VGLL4: variants seen among roughly 807,000 people sequenced by gnomAD.
The protein encoded by VGLL4 is vestigial like family member 4, also known as transcription cofactor vestigial-like protein 4.
VGLL4 carries 7 observed loss-of-function variants against 21.0 expected under a neutral mutation model. The ratio of observed to expected loss-of-function variants is 0.33; its 90% CI spans 0.19 to 0.63. The LOEUF is 0.63. Ranked by LOEUF, VGLL4 falls within the 20% of genes least tolerant of loss-of-function variation. VGLL4 has a pLI of 0.78. For missense variants in VGLL4, 394 were observed against 425.7 expected (o/e 0.93, Z 0.66); for synonymous variants, 222 against 173.2 (o/e 1.28, Z -2.21).
At position 11,576,811 on chromosome 3, in the gene VGLL4, C is replaced by T. The variant is rs533513623; in HGVS notation, c.273-11792G>A. Among the ~76,000 whole-genome samples, 8 of 152,312 alleles carry T rather than the reference C, an allele frequency of 5.3e-5. No individual in the cohort carries two copies. In the South Asian group the frequency reaches 8.3e-4, roughly 16 times the overall value. On this transcript the variant is annotated intron_variant, in intron 2 of 4. Transcript: ENST00000430365. ...GGCAGGACCCACTGCCTCCGATGCCCGCCTCAGGAAGGCAGAGGGTGGAGA... is the reference window on the plus strand; with the variant it reads ...GGCAGGACCCACTGCCTCCGATGCCTGCCTCAGGAAGGCAGAGGGTGGAGA...
chr3:11,688,649 T>A (rs982793904), intron 2 of VGLL4, among the ~76,000 whole-genome samples: 2 of 152,220 alleles, frequency 1.3e-5, no homozygotes, highest in Non-Finnish European at 2.9e-5. Context: ...AATTTATTGA[T>A]CTATTTTAGA....
intron 2 of VGLL4, among the ~76,000 whole-genome samples, chr3:11,677,837 G>A (rs1257503846): frequency 2.7e-5 from 4 of 149,726 alleles, no homozygotes; most frequent in African/African-American, 7.4e-5. Context: ...CCCGGGAGGC[G>A]GAGGTTGCAG....
chr3:11,679,567 C>G (rs1289200120), intron 2 of VGLL4, among the ~76,000 whole-genome samples: 5 of 152,068 alleles, frequency 3.3e-5, no homozygotes. Flanking sequence ...CCTGTAATCC[C>G]TGCTACTCGG....
At chr3:11,599,285 A>AT (rs895276080) in intron 2 of VGLL4, among the ~76,000 whole-genome samples, 1 of 151,662 alleles carries the variant, frequency 6.6e-6, no homozygotes, top group Non-Finnish European at 1.5e-5. Context: ...TAATATATAT[A>AT]TTTTTTACCA....
chr3:11,623,836 G>A (rs1379152826), intron 1 of VGLL4, among the ~76,000 whole-genome samples: 1 of 151,598 alleles, frequency 6.6e-6, no homozygotes, highest in Non-Finnish European at 1.5e-5. Context: ...AACCTCCCAG[G>A]CTCAAGTGAT....
intron 2 of VGLL4, chr3:11,569,063 A>G (rs2073667660): frequency 4.3e-6 from 2 of 470,544 alleles, no homozygotes; most frequent in Non-Finnish European, 5.7e-6. Context: ...AAGAATGTCC[A>G]TAACATCTGG....
chr3:11,676,408 A>AT (rs1191241505), intron 2 of VGLL4, among the ~76,000 whole-genome samples: 1,906 of 34,420 alleles, frequency 0.055, 46 homozygotes, highest in African/African-American at 0.11. Flanking sequence ...AAAAAAAAAA[A>AT]AATAAAATAA....
At chr3:11,614,759 T>C (rs774146902) in intron 1 of VGLL4, among the ~76,000 whole-genome samples, 4 of 152,156 alleles carry the variant, frequency 2.6e-5, no homozygotes, top group Non-Finnish European at 4.4e-5. Context: ...GAAGCAGCAT[T>C]AGGGACTTGG....
chr3:11,570,238 C>G (rs1272410719), intron 2 of VGLL4, among the ~76,000 whole-genome samples: 1 of 152,110 alleles, frequency 6.6e-6, no homozygotes, highest in East Asian at 1.9e-4. Context: ...ACCAGGCCCA[C>G]CAAGAGACTC....
At chr3:11,610,268 A>G (rs1463006612) in intron 1 of VGLL4, 1 of 152,204 alleles carries the variant, frequency 6.6e-6, no homozygotes, top group African/African-American at 2.4e-5. Context: ...TCTTTCAAAT[A>G]ATACTTCTTT....
intron 1 of VGLL4, among the ~76,000 whole-genome samples, chr3:11,638,406 C>A (rs1201589870): frequency 6.6e-6 from 1 of 152,032 alleles, no homozygotes; most frequent in Non-Finnish European, 1.5e-5. Context: ...AGGGTATAAT[C>A]ACACCTTCCT....
intron 2 of VGLL4, among the ~76,000 whole-genome samples, chr3:11,593,810 A>G (rs2074565036): frequency 6.6e-6 from 1 of 152,194 alleles, no homozygotes. Flanking sequence ...ACCGTGTTTC[A>G]AAGGCCCCCC....
chr3:11,678,476 C>T (rs1161497736), intron 2 of VGLL4, among the ~76,000 whole-genome samples: 1 of 152,256 alleles, frequency 6.6e-6, no homozygotes, highest in Non-Finnish European at 1.5e-5. Flanking sequence ...AATGACCTTT[C>T]TGCAGGAACG....
intron 1 of VGLL4, among the ~76,000 whole-genome samples, chr3:11,639,998 T>C (rs1002922938): frequency 6.6e-6 from 1 of 152,206 alleles, no homozygotes; most frequent in African/African-American, 2.4e-5. Flanking sequence ...ATCAACTCTC[T>C]GAAAAACAGA....
At chr3:11,703,754 C>T (rs956997488) in intron 1 of VGLL4, among the ~76,000 whole-genome samples, 4 of 152,202 alleles carry the variant, frequency 2.6e-5, no homozygotes, top group African/African-American at 9.7e-5. Flanking sequence ...TATTTAAACA[C>T]ACACACAGTT....
chr3:11,654,768 G>T lies in VGLL4; in HGVS notation c.64+48203C>A, dbSNP rs533462656. ...GGCATTCAACAGTTAACATGTCCTG[G>T]ATTAATTACTGGCCTGAAACCCCAG... On this transcript the variant is annotated intron_variant, in intron 2 of 5. Coordinates refer to the VGLL4 transcript ENST00000273038. 1.2e-4 allele frequency among the ~76,000 whole-genome samples: 18 copies of T among 152,252 alleles called. No homozygotes were observed. The Middle Eastern group carries it at 0.01, about 86-fold the overall frequency.
intron 2 of VGLL4, among the ~76,000 whole-genome samples, chr3:11,584,633 G>A (rs1169437889): frequency 1.3e-5 from 2 of 152,120 alleles, no homozygotes; most frequent in African/African-American, 4.8e-5. Context: ...GCAAATGACA[G>A]TAAAACAATG....
intron 1 of VGLL4, among the ~76,000 whole-genome samples, chr3:11,714,967 C>G (rs1255433561): frequency 6.6e-6 from 1 of 151,768 alleles, no homozygotes; most frequent in Non-Finnish European, 1.5e-5. Flanking sequence ...AACCCCGTCT[C>G]TATTAAAAAT....
intron 1 of VGLL4, among the ~76,000 whole-genome samples, chr3:11,618,692 A>C (rs868393223): frequency 2.6e-5 from 4 of 152,240 alleles, no homozygotes; most frequent in Admixed American, 1.3e-4. Flanking sequence ...ATAATAAAGT[A>C]AAAAAGTCAT....
Sources: allele counts gnomAD v4.1 joint callset (sites outside exome capture counted in the v4.1 genomes callset), GRCh38; gene constraint gnomAD v4.1.1; transcripts MANE v1.5; gene names NCBI Gene and HGNC (gene_info 2026-07-23, HGNC 2026-07-21).